UTY: variants seen among roughly 807,000 people sequenced by gnomAD.
UTY encodes ubiquitously transcribed tetratricopeptide repeat containing, Y-linked.
In UTY, 12 loss-of-function variants were observed where a neutral mutation model predicts 32.5. The observed-to-expected ratio is 0.37, with a 90% CI of 0.24 to 0.60. The LOEUF (loss-of-function observed/expected upper bound fraction) is 0.60. Among genes scored for constraint, UTY ranks in the 20% least tolerant of loss-of-function variants. UTY has a pLI of 0.69. For missense variants in UTY, 303 were observed against 299.2 expected (o/e 1.01, Z -0.09); for synonymous variants, 131 against 103.4 (o/e 1.27, Z -1.62).
intron 17 of UTY, among the ~76,000 whole-genome samples, chrY:13,339,975 A>G (rs2061381173): frequency 3.0e-5 from 1 of 33,455 alleles, no homozygotes; most frequent in Non-Finnish European, 7.4e-5. Context: ...AAAAACTTTA[A>G]AAAAGGTTTT....
intron 21 of UTY, among the ~76,000 whole-genome samples, chrY:13,322,243 T>A (rs2059887248): frequency 5.9e-5 from 2 of 33,880 alleles, no homozygotes; most frequent in Non-Finnish European, 1.5e-4. Context: ...TTTTCTACAT[T>A]CTTTCATCTG....
chrY:13,274,786 AAAATAAATAAAT>A, intron 27 of UTY, among the ~76,000 whole-genome samples: 1 of 30,831 alleles, frequency 3.2e-5, no homozygotes, highest in Non-Finnish European at 7.8e-5. Context: ...CTGTCTCAAA[AAAATAAATAAAT>A]AAATAAATAA....
chrY:13,357,952 C>A lies in UTY; in HGVS notation c.1494G>T (p.Trp498Cys). The A allele has an allele frequency of 5.0e-6, 2 of 396,777 alleles. No homozygotes were observed. Among genetic ancestry groups the A allele is most frequent in the Non-Finnish European group, 7.1e-6 (2 of 282,109 alleles). ...GATGTGAAAGACTCTGGCCACCATTCCAGTTATCAGAACCATTCTAAGGAA... is the reference window on the plus strand; with the variant it reads ...GATGTGAAAGACTCTGGCCACCATTACAGTTATCAGAACCATTCTAAGGAA... ...SSPTKNGSDNWNGGQSLSHHP... is the reference protein window; with the variant it reads ...SSPTKNGSDNCNGGQSLSHHP... The change falls in exon 15 of 30, where the codon TGG becomes TGT. Residue 498 changes from tryptophan to cysteine, a missense_variant. By Grantham distance (215) the Trp-to-Cys change is radical. Transcript: ENST00000545955.
intron 2 of UTY, among the ~76,000 whole-genome samples, chrY:13,470,659 AAAT>A (rs2078409428): frequency 3.0e-5 from 1 of 33,006 alleles, no homozygotes; most frequent in African/African-American, 1.2e-4. Flanking sequence ...CTGACTTTAA[AAAT>A]AATAATAATA....
chrY:13,477,328 T>G, intron 2 of UTY, among the ~76,000 whole-genome samples: 1 of 33,205 alleles, frequency 3.0e-5, no homozygotes, highest in Non-Finnish European at 7.4e-5. Flanking sequence ...CCCCCATCTC[T>G]TGCACTGTGA....
At chrY:13,270,429 C>A in intron 27 of UTY, among the ~76,000 whole-genome samples, 1 of 32,989 alleles carries the variant, frequency 3.0e-5, no homozygotes, top group African/African-American at 1.2e-4. Flanking sequence ...GGACCACCCA[C>A]AACATGCTTA....
intron 27 of UTY, among the ~76,000 whole-genome samples, chrY:13,268,581 T>TGTGATCCTTTGGAGGAGAA (rs2056044481): frequency 2.4e-4 from 8 of 33,685 alleles, no homozygotes; most frequent in Non-Finnish European, 4.4e-4. Context: ...GGTGAGGAGC[T>TGTGATCCTTTGGAGGAGAA]GTGATCCTTT....
chrY:13,306,241 C>T lies in UTY; in HGVS notation c.3286G>A (p.Glu1096Lys), dbSNP rs761283777. Residue 1096 changes from glutamate (E) to lysine (K), a missense_variant, in exon 22 of 30, where the codon GAG (glutamate) becomes AAG (lysine). Coordinates refer to ENST00000545955, the MANE Select transcript of UTY (RefSeq NM_001258249.2). ...TGATCTTTGTGTTGTGTTCTTTTCTCATTTTCTTCCTTCAGGTTAAGAAAA... is the reference window on the plus strand; with the variant it reads ...TGATCTTTGTGTTGTGTTCTTTTCTTATTTTCTTCCTTCAGGTTAAGAAAA... ...SFQESLREEN[E>K]KRTQHKDHSD... The T allele has an allele frequency of 5.1e-6, 2 of 391,710 alleles. No homozygotes were observed. Among genetic ancestry groups the T allele is most frequent in the East Asian group, 1.9e-4 (2 of 10,778 alleles).
intron 17 of UTY, among the ~76,000 whole-genome samples, chrY:13,342,783 T>G: frequency 2.3e-4 from 8 of 34,160 alleles, no homozygotes; most frequent in Admixed American, 2.1e-3. Context: ...GGCACAAATC[T>G]GTGGCCAAAG....
At chrY:13,303,459 C>T (rs2058498978) in intron 24 of UTY, among the ~76,000 whole-genome samples, 1 of 33,726 alleles carries the variant, frequency 3.0e-5, no homozygotes, top group Admixed American at 2.7e-4. Context: ...TATGATCTAT[C>T]AGCAATCCCA....
intron 21 of UTY, among the ~76,000 whole-genome samples, chrY:13,311,455 C>G: frequency 6.5e-5 from 2 of 30,635 alleles, no homozygotes; most frequent in African/African-American, 2.6e-4. Flanking sequence ...ATTAGCCGGG[C>G]GTGGTAGCGG....
chrY:13,263,903 A>G (rs2055505866), intron 27 of UTY, among the ~76,000 whole-genome samples: 1 of 33,536 alleles, frequency 3.0e-5, no homozygotes, highest in Non-Finnish European at 7.4e-5. Context: ...TACATTAGGT[A>G]TTTATCCTAA....
At chrY:13,471,188 G>A in intron 2 of UTY, among the ~76,000 whole-genome samples, 1 of 33,970 alleles carries the variant, frequency 2.9e-5, no homozygotes, top group African/African-American at 1.2e-4. Context: ...AGGAAAAGAT[G>A]CTCAGTATTT....
At chrY:13,464,170 T>C in intron 3 of UTY, among the ~76,000 whole-genome samples, 1 of 33,945 alleles carries the variant, frequency 2.9e-5, no homozygotes, top group African/African-American at 1.2e-4. Context: ...ATATGACATA[T>C]ATGCAACGAT....
chrY:13,436,760 T>A (rs913000995), intron 4 of UTY, among the ~76,000 whole-genome samples: 49 of 32,498 alleles, frequency 1.5e-3, no homozygotes, highest in Admixed American at 3.0e-3. Flanking sequence ...GTGTTTCAAA[T>A]AATAACAGGG....
intron 27 of UTY, among the ~76,000 whole-genome samples, chrY:13,274,407 C>T: frequency 6.1e-5 from 2 of 32,678 alleles, no homozygotes; most frequent in Non-Finnish European, 1.5e-4. Flanking sequence ...GACAGGTTCA[C>T]GGGTGCAGCA....
chrY:13,295,968 G>GC (rs2058009805), intron 27 of UTY, among the ~76,000 whole-genome samples: 1 of 33,694 alleles, frequency 3.0e-5, no homozygotes, highest in East Asian at 7.9e-4. Flanking sequence ...CTTGTGGGCT[G>GC]CCACTGGCAT....
intron 6 of UTY, among the ~76,000 whole-genome samples, chrY:13,409,707 G>A: frequency 3.0e-5 from 1 of 33,270 alleles, no homozygotes; most frequent in African/African-American, 1.2e-4. Flanking sequence ...ATTTATGGCA[G>A]AGGCCTGGGG....
chrY:13,420,622 C>T (rs2072394033), intron 4 of UTY, among the ~76,000 whole-genome samples: 1 of 32,884 alleles, frequency 3.0e-5, no homozygotes, highest in Non-Finnish European at 7.5e-5. Context: ...TGATTAGACT[C>T]TAAATGTAAC....
Sources: gnomAD v4.1 joint callset for allele counts (sites outside exome capture counted in the v4.1 genomes callset) on GRCh38, gnomAD v4.1.1 for gene constraint, MANE v1.5 for transcripts, NCBI Gene and HGNC (gene_info 2026-07-23, HGNC 2026-07-21) for gene names.